Variants in PTCRA observed in about 807,000 individuals in gnomAD.
PTCRA encodes the protein pre T-cell antigen receptor alpha.
In PTCRA, 9 loss-of-function variants were observed where a neutral mutation model predicts 13.4. The ratio of observed to expected loss-of-function variants is 0.67; its 90% CI spans 0.41 to 1.18. The LOEUF is 1.18. Ranked by LOEUF, PTCRA falls within the 50% of genes most tolerant of loss-of-function variation. The pLI, the probability that PTCRA is intolerant of heterozygous loss-of-function variation, is 0.01. For synonymous variants in PTCRA, 153 were observed against 161.9 expected (o/e 0.94, Z 0.42); for missense variants, 353 against 359.8 (o/e 0.98, Z 0.15).
intron 2 of PTCRA, among the ~76,000 whole-genome samples, chr6:42,923,594 C>T (rs139243852): frequency 2.7e-4 from 41 of 152,318 alleles, no homozygotes; most frequent in Admixed American, 1.2e-3. Context: ...AAAAATGCCT[C>T]CTTCCACCTA....
Position 42,920,056 on chromosome 6 carries a change from C to T in PTCRA, c.59-2971C>T, listed in dbSNP as rs544453473. 2.0e-5 allele frequency among the ~76,000 whole-genome samples: 3 copies of T among 151,906 alleles called. No individual in the cohort carries two copies. The Middle Eastern group carries it at 0.01, about 517-fold the overall frequency. On this transcript the variant is annotated intron_variant, in intron 1 of 3. Transcript: ENST00000304672. ...TAATAATAGGCCGGGTGAGGTGGCT[C>T]ACGCCTGTAATCCCAGCACTTTGGG... is the stretch of plus-strand genomic sequence containing the variant.
Position 42,921,096 on chromosome 6 carries a change from C to CT in PTCRA, c.59-1925dup, listed in dbSNP as rs561353715. On this transcript the variant is annotated intron_variant, in intron 1 of 3. Transcript: ENST00000304672. ...ACAAGCATGAACCACCACACCCAGC[C>CT]TTTTTTGTTGTTGTTGTTGTTTTGA... Among the ~76,000 whole-genome samples, 135 of 151,130 alleles carry CT rather than the reference C, an allele frequency of 8.9e-4. 2 individuals are homozygous for CT. In the South Asian group the frequency reaches 0.026, roughly 29 times the overall value.
chr6:42,922,961 C>A, intron 1 of PTCRA, 66 bp from the exon 2 acceptor site: 1 of 1,474,714 alleles, frequency 6.8e-7, no homozygotes, highest in Non-Finnish European at 9.4e-7. Context: ...CCCTAGCCTA[C>A]AACACAATGC....
chr6:42,923,523 T>G (rs936808047), intron 2 of PTCRA, among the ~76,000 whole-genome samples, 176 bp downstream of exon 2: 1 of 152,230 alleles, frequency 6.6e-6, no homozygotes, highest in East Asian at 1.9e-4. Flanking sequence ...CCATGAATTT[T>G]GGGATTTGCC....
chr6:42,922,315 C>T, intron 1 of PTCRA: 1 of 696,220 alleles, frequency 1.4e-6, no homozygotes, highest in Non-Finnish European at 2.6e-6. Flanking sequence ...AACTGAGTTC[C>T]TTGAGAGCAG....
At chr6:42,918,991 A>G (rs1424194250) in intron 1 of PTCRA, among the ~76,000 whole-genome samples, 1 of 149,072 alleles carries the variant, frequency 6.7e-6, no homozygotes, top group African/African-American at 2.5e-5. Context: ...GGGTTTCACC[A>G]TGTTAGCCAG....
intron 2 of PTCRA, 112 bp from the exon 3 acceptor site, chr6:42,924,117 C>A (rs1041523948): frequency 5.5e-5 from 50 of 906,310 alleles, no homozygotes; most frequent in Non-Finnish European, 7.9e-5. Flanking sequence ...GTCCATTTAC[C>A]CCAAATGCCT....
intron 1 of PTCRA, among the ~76,000 whole-genome samples, chr6:42,917,570 AGAC>A (rs1389087629): frequency 4.8e-5 from 7 of 145,342 alleles, no homozygotes; most frequent in Non-Finnish European, 9.0e-5. Flanking sequence ...TATTATTATT[AGAC>A]AGAGTTTGCT....
At chr6:42,920,957 G>A (rs1162964032) in intron 1 of PTCRA, among the ~76,000 whole-genome samples, 2 of 151,796 alleles carry the variant, frequency 1.3e-5, no homozygotes, top group Non-Finnish European at 2.9e-5. Flanking sequence ...ACCACACGCA[G>A]CTAATTTTTT....
At chr6:42,922,159 T>TG (rs1767201584) in intron 1 of PTCRA, 3 of 688,082 alleles carry the variant, frequency 4.4e-6, no homozygotes, top group Non-Finnish European at 7.9e-6. Flanking sequence ...AATCAGACTT[T>TG]TAAAAAAAGA....
chr6:42,924,129 G>A (rs532685820), intron 2 of PTCRA, 100 bp from the exon 3 acceptor site: 66 of 1,063,842 alleles, frequency 6.2e-5, no homozygotes, highest in Non-Finnish European at 7.3e-5. Flanking sequence ...CAAATGCCTC[G>A]ACACCCACCC....
Position 42,925,270 on chromosome 6 carries a change from G to T in PTCRA, c.434G>T (p.Gly145Val). ...CGGTTCCTCCTCGCAGGGACACCGGGTGGGGCGCTGTGGCTGGGGGTCCTG... is the reference window on the plus strand; with the variant it reads ...CGGTTCCTCCTCGCAGGGACACCGGTTGGGGCGCTGTGGCTGGGGGTCCTG... ...CPQEPLRGTP[G>V]GALWLGVLRL... Residue 145 changes from glycine to valine, a missense_variant, in exon 4 of 4, where the codon GGT (glycine) becomes GTT (valine). Transcript: ENST00000304672. This position sits in a 1 kb window ranked among gnomAD's most constrained non-coding sequence, Gnocchi z 4.4. The T allele has an allele frequency of 6.3e-7, 1 of 1,589,226 alleles. No individual in the cohort carries two copies. The highest frequency in any genetic ancestry group is 8.5e-7 in the Non-Finnish European group (1 of 1,175,092).
In PTCRA at chr6:42,925,511, G is replaced by T; in HGVS notation, c.675G>T (p.Pro225=). ...PRDRRWGDTP[P]GRKPGSPVWG... ...ACCGCCGCTGGGGTGACACCCCTCC[G>T]GGTCGGAAGCCCGGGAGCCCAGTAT... The change falls in exon 4 of 4, where the codon CCG becomes CCT. Residue 225 remains proline (P), a synonymous_variant. Transcript: ENST00000304672. The surrounding 1 kb of genome is among the most constrained non-coding windows in gnomAD (Gnocchi z 4.4). The T allele has an allele frequency of 6.4e-7, 1 of 1,573,002 alleles. No individual in the cohort carries two copies. Among genetic ancestry groups the T allele is most frequent in the Admixed American group, 1.9e-5 (1 of 53,920 alleles).
intron 2 of PTCRA, 24 bp downstream of exon 2, chr6:42,923,371 G>GC: frequency 6.2e-7 from 1 of 1,607,020 alleles, no homozygotes; most frequent in Non-Finnish European, 8.5e-7. Context: ...CTGGGCCCTT[G>GC]CGGATGCTCC....
intron 2 of PTCRA, 120 bp downstream of exon 2, chr6:42,923,467 C>G (rs2235834): frequency 0.056 from 54,967 of 978,988 alleles, 2,029 homozygotes; most frequent in East Asian, 0.13. Context: ...AGCGCAGAGC[C>G]TCTGGGTGAG....
chr6:42,917,447 C>T (rs1174106888), intron 1 of PTCRA, among the ~76,000 whole-genome samples: 1 of 147,604 alleles, frequency 6.8e-6, no homozygotes, highest in Non-Finnish European at 1.5e-5. Flanking sequence ...TGGTCTTGAA[C>T]TCCTGACCTC....
chr6:42,920,647 T>G (rs754819331), intron 1 of PTCRA, among the ~76,000 whole-genome samples: 63 of 151,972 alleles, frequency 4.1e-4, no homozygotes, highest in Non-Finnish European at 6.3e-4. Context: ...GGATGGTCTC[T>G]ATCTCCTGAC....
At position 42,925,307 on chromosome 6, in the gene PTCRA, C is replaced by T; in HGVS notation, c.471C>T (p.Leu157=). The T allele has an allele frequency of 6.3e-7, 1 of 1,587,298 alleles. No homozygotes were observed. The highest frequency in any genetic ancestry group is 1.3e-5 in the African/African-American group (1 of 74,798). ...GGCTGGGGGTCCTGCGGCTGCTGCT[C>T]TTCAAGCTGCTGCTGTTTGACCTGC... ...ALWLGVLRLL[L]FKLLLFDLLL... The change falls in exon 4 of 4, where the codon CTC becomes CTT. Residue 157 remains leucine (L), a synonymous_variant. Transcript: ENST00000304672. This position sits in a 1 kb window ranked among gnomAD's most constrained non-coding sequence, Gnocchi z 4.4.
chr6:42,922,238 T>C (rs1581685186), intron 1 of PTCRA: 1 of 702,688 alleles, frequency 1.4e-6, no homozygotes, highest in Non-Finnish European at 2.6e-6. Context: ...CTTCCCTTCC[T>C]CACCAGAGGC....
Sources: allele counts gnomAD v4.1 joint callset (sites outside exome capture counted in the v4.1 genomes callset), GRCh38; gene constraint gnomAD v4.1.1; non-coding constraint Gnocchi (gnomAD v3.1); transcripts MANE v1.5; gene names NCBI Gene and HGNC (gene_info 2026-07-23, HGNC 2026-07-21).